Variants in AP4S1 observed in about 807,000 individuals in gnomAD.
AP4S1 encodes AP-4 complex subunit sigma-1.
Under a neutral mutation model 19.8 loss-of-function variants are expected in AP4S1, and 23 were observed. That is an observed-to-expected ratio of 1.16 (90% CI 0.84 to 1.65). The LOEUF is 1.65. Among genes scored for constraint, AP4S1 ranks in the 40% most tolerant of loss-of-function variants. The pLI is 0.00. For synonymous variants in AP4S1, 46 were observed against 54.1 expected, an observed-to-expected ratio of 0.85 and a Z score of 0.66; for missense variants, 166 against 172.8, an observed-to-expected ratio of 0.96 and a Z score of 0.22.
intron 1 of AP4S1, among the ~76,000 whole-genome samples, chr14:31,051,742 C>T (rs1260915866): frequency 6.6e-6 from 1 of 152,168 alleles, no homozygotes; most frequent in Non-Finnish European, 1.5e-5. Context: ...CACACTGTAA[C>T]TTCCCCCTCC....
At chr14:31,087,738 G>T (rs905128889) in intron 5 of AP4S1, among the ~76,000 whole-genome samples, 2 of 152,088 alleles carry the variant, frequency 1.3e-5, no homozygotes, top group African/African-American at 4.8e-5. Flanking sequence ...CTGTCACCAT[G>T]GTGCCTTGGT....
At chr14:31,062,024 C>T (rs1886465048) in intron 1 of AP4S1, among the ~76,000 whole-genome samples, 1 of 152,116 alleles carries the variant, frequency 6.6e-6, no homozygotes, top group Non-Finnish European at 1.5e-5. Flanking sequence ...TTATTCTAGA[C>T]ACAAATTTAA....
At chr14:31,080,463 T>TA in intron 4 of AP4S1, 110 bp from the exon 5 acceptor site, 1 of 873,272 alleles carries the variant, frequency 1.1e-6, no homozygotes, top group Non-Finnish European at 1.9e-6. Flanking sequence ...CAGAAGCAGG[T>TA]AGGAGAGGCC....
At chr14:31,073,198 A>C in intron 4 of AP4S1, 1 of 506,004 alleles carries the variant, frequency 2.0e-6, no homozygotes, top group Non-Finnish European at 3.6e-6. Flanking sequence ...AAAAAAAAAA[A>C]AACCTCTTAT....
At chr14:31,030,754 A>G (rs543791318) in intron 1 of AP4S1, among the ~76,000 whole-genome samples, 1 of 152,124 alleles carries the variant, frequency 6.6e-6, no homozygotes, top group Non-Finnish European at 1.5e-5. Context: ...CTGCCTTCAC[A>G]GAGTTTCTAG....
chr14:31,088,020 G>A (rs1307446083), intron 5 of AP4S1, among the ~76,000 whole-genome samples: 1 of 152,208 alleles, frequency 6.6e-6, no homozygotes, highest in East Asian at 1.9e-4. Context: ...CAGGCATTGA[G>A]AGACGAGGGA....
chr14:31,031,988 T>C (rs1884416862), intron 1 of AP4S1, among the ~76,000 whole-genome samples: 1 of 151,502 alleles, frequency 6.6e-6, no homozygotes, highest in Admixed American at 6.6e-5. Flanking sequence ...TCCCAGCTAT[T>C]TGAGCGCGGG....
intron 2 of AP4S1, among the ~76,000 whole-genome samples, chr14:31,067,516 AT>A (rs1243393448): frequency 0.011 from 1,338 of 127,124 alleles, 8 homozygotes; most frequent in East Asian, 0.033. Context: ...AGTGAGAACA[AT>A]TTTTTTTTTT....
chr14:31,067,701 T>G (rs1886800289), intron 2 of AP4S1, among the ~76,000 whole-genome samples: 1 of 150,538 alleles, frequency 6.6e-6, no homozygotes, highest in African/African-American at 2.4e-5. Flanking sequence ...GTATTTTTAG[T>G]AGAGATGGGG....
At chr14:31,032,913 C>G (rs1385893589) in intron 1 of AP4S1, 1 of 152,194 alleles carries the variant, frequency 6.6e-6, no homozygotes, top group African/African-American at 2.4e-5. Context: ...AAACACTAAT[C>G]TAGTCATCTT....
At chr14:31,051,270 A>C (rs1885776077) in intron 1 of AP4S1, among the ~76,000 whole-genome samples, 1 of 151,956 alleles carries the variant, frequency 6.6e-6, no homozygotes, top group Admixed American at 6.6e-5. Flanking sequence ...AAAAAAAAAA[A>C]ATACGGTGTA....
intron 1 of AP4S1, chr14:31,026,997 C>G (rs767466615): frequency 1.3e-5 from 2 of 152,256 alleles, no homozygotes; most frequent in South Asian, 2.1e-4. Flanking sequence ...GTTACTGATT[C>G]CTCGTCTCTG....
At chr14:31,070,035 A>G in intron 3 of AP4S1, 106 bp downstream of exon 3, 1 of 958,166 alleles carries the variant, frequency 1.0e-6, no homozygotes, top group Non-Finnish European at 1.7e-6. Flanking sequence ...TTGCCCTGTC[A>G]CCAGTCTGGA....
At chr14:31,053,125 G>C (rs1226993212) in intron 1 of AP4S1, among the ~76,000 whole-genome samples, 1 of 151,920 alleles carries the variant, frequency 6.6e-6, no homozygotes, top group Non-Finnish European at 1.5e-5. Context: ...ACTTTTATTA[G>C]AGACGAGTTT....
At chr14:31,074,723 A>G (rs960808736) in intron 4 of AP4S1, among the ~76,000 whole-genome samples, 2 of 152,106 alleles carry the variant, frequency 1.3e-5, no homozygotes, top group Non-Finnish European at 2.9e-5. Flanking sequence ...GTGTGGAGGC[A>G]AGCATCTCTA....
At chr14:31,026,263 T>C in intron 1 of AP4S1, 1 of 1,307,276 alleles carries the variant, frequency 7.6e-7, no homozygotes, top group Non-Finnish European at 9.8e-7. Context: ...GGCCCCGCGC[T>C]GGCTGCGGGG....
At position 31,069,826 on chromosome 14, in the gene AP4S1, CATT is replaced by C. The variant is rs770111124; in HGVS notation, c.139-16_139-14del. 8.2e-6 allele frequency: 13 copies of C among 1,576,108 alleles called. No homozygotes were observed. In the South Asian group the frequency reaches 1.1e-4, roughly 13 times the overall value. On this transcript the variant is annotated splice_polypyrimidine_tract_variant and intron_variant, in intron 2 of 5. Coordinates refer to ENST00000542754, the MANE Select transcript of AP4S1 (RefSeq NM_001128126.3). ...CTCTCAGCCACAGGAATTAATATCT[CATT>C]GTGTTTTGTCTAGTGCTCTTTCATT...
At chr14:31,036,770 A>G (rs146935529) in intron 1 of AP4S1, among the ~76,000 whole-genome samples, 1 of 152,082 alleles carries the variant, frequency 6.6e-6, no homozygotes, top group African/African-American at 2.4e-5. Context: ...GTGATGACTT[A>G]GTGATTTCTG....
At chr14:31,075,897 G>A (rs1282609295) in intron 4 of AP4S1, among the ~76,000 whole-genome samples, 1 of 151,998 alleles carries the variant, frequency 6.6e-6, no homozygotes, top group African/African-American at 2.4e-5. Flanking sequence ...GCACCACCAT[G>A]CCCAGCTAAT....
Sources: allele counts gnomAD v4.1 joint callset (sites outside exome capture counted in the v4.1 genomes callset), GRCh38; gene constraint gnomAD v4.1.1; transcripts MANE v1.5; gene names NCBI Gene and HGNC (gene_info 2026-07-23, HGNC 2026-07-21).